The following VDAC1 variants were observed in gnomAD, a reference collection of about 807,000 sequenced individuals.
The protein encoded by VDAC1 is non-selective voltage-gated ion channel VDAC1.
VDAC1 carries 10 observed loss-of-function variants against 34.7 expected under a neutral mutation model. That is an observed-to-expected ratio of 0.29 (90% confidence interval 0.18 to 0.49). VDAC1 has a LOEUF of 0.49. Ranked by LOEUF, VDAC1 falls within the 20% of genes least tolerant of loss-of-function variation. The pLI is 0.99. For missense variants in VDAC1, 230 were observed against 347.9 expected, an observed-to-expected ratio of 0.66 and a Z score of 2.69; for synonymous variants, 130 against 136.0, an observed-to-expected ratio of 0.96 and a Z score of 0.30.
At chr5:134,056,296 ACAAG>A in the VDAC1 span, among the ~76,000 whole-genome samples, 1 of 151,842 alleles carries the variant, frequency 6.6e-6, no homozygotes, top group Non-Finnish European at 1.5e-5. Context: ...TTTTTACCTT[ACAAG>A]ATATGATTTT....
the VDAC1 span, among the ~76,000 whole-genome samples, chr5:134,106,537 A>G: frequency 1.3e-5 from 2 of 151,606 alleles, no homozygotes; most frequent in African/African-American, 4.9e-5. Flanking sequence ...CCTCCCGAGT[A>G]TCTGGGATTA....
chr5:134,062,611 G>A, the VDAC1 span, among the ~76,000 whole-genome samples: 1 of 145,182 alleles, frequency 6.9e-6, no homozygotes, highest in Non-Finnish European at 1.5e-5. Context: ...AACAGCTTTT[G>A]TTTGTTTTTT....
At chr5:134,048,016 T>TG in the VDAC1 span, among the ~76,000 whole-genome samples, 2 of 149,724 alleles carry the variant, frequency 1.3e-5, no homozygotes, top group Non-Finnish European at 3.0e-5. Flanking sequence ...GAACCTTGTC[T>TG]GGGAAAAAAA....
the VDAC1 span, among the ~76,000 whole-genome samples, chr5:134,026,608 C>T: frequency 5.3e-5 from 8 of 152,002 alleles, no homozygotes; most frequent in African/African-American, 1.9e-4. Context: ...TGCCACACAC[C>T]CTAGCTGGCC....
chr5:133,996,489 G>C (rs527649691), intron 1 of VDAC1, among the ~76,000 whole-genome samples: 1 of 152,152 alleles, frequency 6.6e-6, no homozygotes, highest in South Asian at 2.1e-4. Context: ...CCTCTGTCTT[G>C]GGGGTACACA....
chr5:134,080,823 G>GT, the VDAC1 span, among the ~76,000 whole-genome samples: 16 of 152,174 alleles, frequency 1.1e-4, no homozygotes, highest in Non-Finnish European at 1.8e-4. Flanking sequence ...CTGACAAGAG[G>GT]TTTTTTCTCT....
the VDAC1 span, among the ~76,000 whole-genome samples, chr5:134,049,976 C>T: frequency 4.8e-3 from 736 of 152,244 alleles, 6 homozygotes; most frequent in Non-Finnish European, 8.2e-3. Flanking sequence ...ACCGCCCAGG[C>T]GCGGTGGCTC....
At chr5:134,106,086 G>T in the VDAC1 span, among the ~76,000 whole-genome samples, 5 of 152,324 alleles carry the variant, frequency 3.3e-5, no homozygotes, top group East Asian at 9.6e-4. Context: ...AGGCCCGAGT[G>T]GTGGAGAGCC....
the VDAC1 span, among the ~76,000 whole-genome samples, chr5:134,098,078 C>T: frequency 6.6e-6 from 1 of 151,916 alleles, no homozygotes; most frequent in African/African-American, 2.4e-5. Context: ...ACCATTTTGC[C>T]TAGGCTGGTC....
At chr5:134,047,454 CAGA>C in the VDAC1 span, among the ~76,000 whole-genome samples, 1 of 152,098 alleles carries the variant, frequency 6.6e-6, no homozygotes. Context: ...AGTGGGGCCT[CAGA>C]AAAGGACCAT....
At chr5:134,023,707 T>C in the VDAC1 span, among the ~76,000 whole-genome samples, 7 of 152,122 alleles carry the variant, frequency 4.6e-5, no homozygotes, top group Admixed American at 4.6e-4. Context: ...TGGCACTTAC[T>C]GTCTAGGGGG....
At chr5:134,058,377 A>C in the VDAC1 span, among the ~76,000 whole-genome samples, 3 of 150,632 alleles carry the variant, frequency 2.0e-5, no homozygotes, top group African/African-American at 7.3e-5. Context: ...GAAGTGGTGC[A>C]ATCTCGGCTC....
At chr5:134,006,839 T>C (rs1317142356), upstream of VDAC1, among the ~76,000 whole-genome samples, 1 of 149,312 alleles carries the variant, frequency 6.7e-6, no homozygotes, top group East Asian at 2.0e-4. Flanking sequence ...CCCTAGGTGC[T>C]AGTTTCAGAT....
chr5:134,034,335 T>C, the VDAC1 span, among the ~76,000 whole-genome samples: 4 of 152,216 alleles, frequency 2.6e-5, no homozygotes, highest in African/African-American at 4.8e-5. Context: ...CCTGTGAATG[T>C]GACCTTCTTT....
the VDAC1 span, among the ~76,000 whole-genome samples, chr5:134,066,343 T>C: frequency 6.6e-6 from 1 of 152,238 alleles, no homozygotes; most frequent in East Asian, 1.9e-4. Flanking sequence ...CTGTTGTAAC[T>C]ATTCAACTCT....
At chr5:133,996,017 C>T (rs902050826) in intron 1 of VDAC1, among the ~76,000 whole-genome samples, 1 of 152,172 alleles carries the variant, frequency 6.6e-6, no homozygotes, top group African/African-American at 2.4e-5. Context: ...CATCCACCCC[C>T]CAGGGGCCTT....
chr5:134,097,887 T>G, the VDAC1 span, among the ~76,000 whole-genome samples: 1 of 151,988 alleles, frequency 6.6e-6, no homozygotes, highest in Non-Finnish European at 1.5e-5. Flanking sequence ...CTTTTTTTTT[T>G]GAGATAGAGT....
intron 1 of VDAC1, among the ~76,000 whole-genome samples, chr5:134,004,191 C>A (rs1206651985): frequency 6.6e-6 from 1 of 152,012 alleles, no homozygotes; most frequent in Non-Finnish European, 1.5e-5. Context: ...AGCTCATCCC[C>A]GAGGCGGCAG....
upstream of VDAC1, among the ~76,000 whole-genome samples, chr5:134,009,917 G>A (rs1238037249): frequency 2.6e-5 from 4 of 152,124 alleles, no homozygotes; most frequent in East Asian, 7.7e-4. Context: ...CTAACCTGAA[G>A]TAATCAACCT....
Sources: gnomAD v4.1 joint callset for allele counts (sites outside exome capture counted in the v4.1 genomes callset) on GRCh38, gnomAD v4.1.1 for gene constraint, MANE v1.5 for transcripts, NCBI Gene and HGNC (gene_info 2026-07-23, HGNC 2026-07-21) for gene names.